SPIDR: variants seen among roughly 807,000 people sequenced by gnomAD.
SPIDR encodes the protein scaffold protein involved in DNA repair.
A neutral mutation model predicts 104.6 loss-of-function variants in SPIDR; 93 were observed. That is an observed-to-expected ratio of 0.89 (90% confidence interval 0.75 to 1.06). The LOEUF is 1.06. Among genes scored for constraint, SPIDR ranks in the 50% least tolerant of loss-of-function variants. The pLI, the probability that SPIDR is intolerant of heterozygous loss-of-function variation, is 0.00. For missense variants in SPIDR, 1,154 were observed against 1,111.2 expected (o/e 1.04, Z -0.55); for synonymous variants, 431 against 416.9 (o/e 1.03, Z -0.41).
At chr8:47,366,996 G>C (rs2057316371) in intron 5 of SPIDR, among the ~76,000 whole-genome samples, 1 of 152,148 alleles carries the variant, frequency 6.6e-6, no homozygotes, top group Admixed American at 6.5e-5. Flanking sequence ...CATAATCCAT[G>C]GGACTGTGTG....
intron 5 of SPIDR, 98 bp from the exon 6 acceptor site, chr8:47,396,278 A>G (rs1482676134): frequency 1.9e-6 from 2 of 1,048,264 alleles, no homozygotes; most frequent in Non-Finnish European, 1.4e-6. Flanking sequence ...CAAGAGCTGT[A>G]ACTGTAAGGG....
At chr8:47,573,815 A>G (rs1192691939) in intron 8 of SPIDR, among the ~76,000 whole-genome samples, 4 of 152,228 alleles carry the variant, frequency 2.6e-5, no homozygotes, top group African/African-American at 9.6e-5. Context: ...TGATGTTAGC[A>G]TATGATACAC....
At chr8:47,628,142 C>G (rs990681550) in intron 10 of SPIDR, among the ~76,000 whole-genome samples, 3 of 152,168 alleles carry the variant, frequency 2.0e-5, no homozygotes, top group African/African-American at 7.2e-5. Flanking sequence ...ATGGCTTTCC[C>G]TATTAAACTA....
At chr8:47,434,098 T>C (rs1045794155) in intron 7 of SPIDR, among the ~76,000 whole-genome samples, 1 of 152,186 alleles carries the variant, frequency 6.6e-6, no homozygotes, top group African/African-American at 2.4e-5. Context: ...ATTTCAAAAA[T>C]AGTAAAATGT....
chr8:47,506,741 A>G (rs968589197), intron 8 of SPIDR, among the ~76,000 whole-genome samples: 4 of 152,236 alleles, frequency 2.6e-5, no homozygotes, highest in African/African-American at 9.6e-5. Flanking sequence ...TGTTACTGGC[A>G]GACAGTGAAG....
At chr8:47,628,805 G>A (rs1404950642) in intron 10 of SPIDR, among the ~76,000 whole-genome samples, 1 of 152,112 alleles carries the variant, frequency 6.6e-6, no homozygotes, top group Non-Finnish European at 1.5e-5. Context: ...AAAAAACATC[G>A]AATGGAGAAT....
intron 19 of SPIDR, among the ~76,000 whole-genome samples, chr8:47,730,566 C>T (rs914959276): frequency 3.9e-5 from 6 of 152,138 alleles, no homozygotes. Context: ...TCTAATGGGT[C>T]CCCATGGCCA....
chr8:47,297,266 C>A (rs907076923), intron 5 of SPIDR, among the ~76,000 whole-genome samples: 1 of 152,124 alleles, frequency 6.6e-6, no homozygotes, highest in Non-Finnish European at 1.5e-5. Flanking sequence ...GTGGCAAGAG[C>A]GGGCATTCTT....
chr8:47,466,912 T>TATAGATAGATAG (rs1240331641), intron 8 of SPIDR, among the ~76,000 whole-genome samples: 10 of 113,364 alleles, frequency 8.8e-5, no homozygotes, highest in African/African-American at 3.5e-4. Flanking sequence ...TATATATATA[T>TATAGATAGATAG]ATAGATAGAT....
At chr8:47,700,604 A>G in intron 12 of SPIDR, 114 bp downstream of exon 12, 2 of 1,008,422 alleles carry the variant, frequency 2.0e-6, no homozygotes, top group South Asian at 2.7e-5. Context: ...CAGTGGCAAC[A>G]AGGAGCCCCC....
chr8:47,731,175 G>A (rs2085156433), intron 19 of SPIDR, among the ~76,000 whole-genome samples: 1 of 151,860 alleles, frequency 6.6e-6, no homozygotes, highest in Admixed American at 6.6e-5. Flanking sequence ...AGAATCACTG[G>A]AACTGGGGAG....
At chr8:47,320,515 G>A (rs1554594239) in intron 5 of SPIDR, among the ~76,000 whole-genome samples, 1 of 152,120 alleles carries the variant, frequency 6.6e-6, no homozygotes, top group Non-Finnish European at 1.5e-5. Flanking sequence ...TTCTACCAGA[G>A]GTACAAGGAG....
At chr8:47,407,999 AAAT>A in intron 7 of SPIDR, 38 bp downstream of exon 7, 1 of 1,172,552 alleles carries the variant, frequency 8.5e-7, no homozygotes. Flanking sequence ...ATGTGTAAAA[AAAT>A]ATTTTAGTTA....
At chr8:47,722,025 T>C (rs1411986812) in intron 16 of SPIDR, among the ~76,000 whole-genome samples, 1 of 152,220 alleles carries the variant, frequency 6.6e-6, no homozygotes, top group Non-Finnish European at 1.5e-5. Context: ...TGGAATATCT[T>C]TGCATTTATT....
chr8:47,537,607 GTATGATACTGTAATGGTGGACACGTGT>G (rs1422201896), intron 8 of SPIDR, among the ~76,000 whole-genome samples: 10 of 152,188 alleles, frequency 6.6e-5, no homozygotes, highest in Admixed American at 5.2e-4. Flanking sequence ...TGAAACTTCT[GTATGATACTGTAATGGTGGACACGTGT>G]CATTATGCAT....
intron 8 of SPIDR, among the ~76,000 whole-genome samples, chr8:47,543,892 T>G (rs557880447): frequency 6.6e-6 from 1 of 152,340 alleles, no homozygotes; most frequent in African/African-American, 2.4e-5. Flanking sequence ...GGTTTTGGCC[T>G]CAGATAATTG....
intron 10 of SPIDR, among the ~76,000 whole-genome samples, chr8:47,603,072 C>G (rs1215279801): frequency 6.6e-6 from 1 of 152,082 alleles, no homozygotes; most frequent in Admixed American, 6.5e-5. Flanking sequence ...GCAGTCTGTT[C>G]AGAGCCCAAA....
intron 10 of SPIDR, among the ~76,000 whole-genome samples, chr8:47,667,441 A>G (rs1030970659): frequency 1.5e-4 from 18 of 116,788 alleles, no homozygotes; most frequent in East Asian, 1.2e-3. Context: ...TTCAAAAGGG[A>G]AAAAAAAAAA....
chr8:47,323,088 TAAAAAAAG>T (rs1288058776), intron 5 of SPIDR, among the ~76,000 whole-genome samples: 1 of 145,070 alleles, frequency 6.9e-6, no homozygotes, highest in African/African-American at 2.6e-5. Flanking sequence ...TAAAGTATAA[TAAAAAAAG>T]AAGAAGAAGA....
Sources: allele counts gnomAD v4.1 joint callset (sites outside exome capture counted in the v4.1 genomes callset), GRCh38; gene constraint gnomAD v4.1.1; transcripts MANE v1.5; gene names NCBI Gene and HGNC (gene_info 2026-07-23, HGNC 2026-07-21).